Variants in PCDHGA1 observed in about 807,000 individuals in gnomAD.
The protein encoded by PCDHGA1 is protocadherin gamma-A1.
A neutral mutation model predicts 58.0 loss-of-function variants in PCDHGA1; 32 were observed. The observed-to-expected ratio is 0.55, with a 90% confidence interval of 0.42 to 0.74. The LOEUF is 0.74. PCDHGA1 is among the 30% of genes least tolerant of loss of function. The pLI is 0.00. For missense variants in PCDHGA1, 1,205 were observed against 1,182.3 expected, an observed-to-expected ratio of 1.02 and a Z score of -0.28; for synonymous variants, 498 against 501.1, an observed-to-expected ratio of 0.99 and a Z score of 0.08.
chr5:141,349,390 A>C (rs893933171), intron 1 of PCDHGA1, among the ~76,000 whole-genome samples: 2 of 152,168 alleles, frequency 1.3e-5, no homozygotes, highest in Non-Finnish European at 2.9e-5. Context: ...CATTCATATA[A>C]AAAAGAAGCA....
At chr5:141,420,314 A>C (rs1454977890) in intron 1 of PCDHGA1, 1 of 1,442,690 alleles carries the variant, frequency 6.9e-7, no homozygotes. Flanking sequence ...TTTATATTAC[A>C]ATATGCCAAT....
chr5:141,410,104 C>G, intron 1 of PCDHGA1: 1 of 1,612,582 alleles, frequency 6.2e-7, no homozygotes, highest in Non-Finnish European at 8.5e-7. Context: ...CCTTAGGCGA[C>G]AGGGACGCAG....
At chr5:141,484,921 T>A in intron 1 of PCDHGA1, 1 of 478,304 alleles carries the variant, frequency 2.1e-6, no homozygotes, top group South Asian at 2.8e-5. Flanking sequence ...TTAACCCTGC[T>A]GCTGTTGGGA....
chr5:141,423,210 C>A (rs954945082), intron 1 of PCDHGA1: 2 of 1,613,578 alleles, frequency 1.2e-6, no homozygotes, highest in East Asian at 4.5e-5. Flanking sequence ...CCGTCACGCT[C>A]ACCGTGGCTG....
chr5:141,366,824 C>T, intron 1 of PCDHGA1: 1 of 1,535,428 alleles, frequency 6.5e-7, no homozygotes, highest in Non-Finnish European at 8.8e-7. Context: ...CTGTCATATT[C>T]AGAATCAGCT....
intron 1 of PCDHGA1, among the ~76,000 whole-genome samples, chr5:141,445,007 G>A (rs771023003): frequency 1.5e-4 from 23 of 151,994 alleles, no homozygotes; most frequent in Non-Finnish European, 2.4e-4. Flanking sequence ...ATTTAATTAG[G>A]TCTTTAATTT....
intron 1 of PCDHGA1, chr5:141,415,172 T>G (rs770772038): frequency 1.2e-6 from 2 of 1,613,882 alleles, no homozygotes; most frequent in Non-Finnish European, 1.7e-6. Context: ...ACGCTCACCG[T>G]GGCCGTGGCC....
At chr5:141,355,332 G>A (rs557704371) in intron 1 of PCDHGA1, 1 of 1,614,032 alleles carries the variant, frequency 6.2e-7, no homozygotes, top group South Asian at 1.1e-5. Flanking sequence ...AAGGCTCAGT[G>A]GTGGGCAACA....
chr5:141,389,805 C>G (rs1222548961), intron 1 of PCDHGA1: 1 of 1,613,802 alleles, frequency 6.2e-7, no homozygotes, highest in East Asian at 2.2e-5. Flanking sequence ...CCAGCGCCTT[C>G]TGGTCGCCGT....
Position 141,332,648 on chromosome 5 carries a change from C to T in PCDHGA1, c.1964C>T (p.Ser655Phe). 1 of 1,613,174 alleles carries T rather than the reference C, an allele frequency of 6.2e-7. No individual in the cohort carries two copies. ...CAGGACCACGGCCAGCCCCCGCTCT[C>T]CGCCACTGTCACGCTCACCGTGGCC... ...AVQDHGQPPL[S>F]ATVTLTVAVA... The change falls in exon 1 of 4, where the codon TCC becomes TTC. Residue 655 changes from serine to phenylalanine, a missense_variant. Ser to Phe is a radical substitution (Grantham distance 155, BLOSUM62 -2). Coordinates refer to ENST00000517417, the MANE Select transcript of PCDHGA1 (RefSeq NM_018912.3). This position sits in a 1 kb window ranked among gnomAD's most constrained non-coding sequence, Gnocchi z 4.6.
chr5:141,510,359 T>A (rs1229932307), intron 3 of PCDHGA1, among the ~76,000 whole-genome samples: 3 of 143,318 alleles, frequency 2.1e-5, no homozygotes, highest in African/African-American at 7.7e-5. Flanking sequence ...CTAACGGAAC[T>A]ACCGAATCTC....
intron 1 of PCDHGA1, chr5:141,423,620 C>T: frequency 6.2e-7 from 1 of 1,608,268 alleles, no homozygotes; most frequent in Middle Eastern, 1.7e-4. Context: ...GCTGAAGACT[C>T]AGCTATCATT....
rs115035052 is a variant in PCDHGA1 at position 141,382,317 on chromosome 5, G to A, written c.2421+49212G>A. ...TTAATTAAAATTTATATACACTGAT[G>A]TAAATATTTTCTAAGTAAAATCTTT... On this transcript the variant is annotated intron_variant, in intron 1 of 3. Coordinates refer to ENST00000517417, the MANE Select transcript of PCDHGA1 (RefSeq NM_018912.3). Among the ~76,000 whole-genome samples the A allele has an allele frequency of 4.6e-3, 694 of 152,278 alleles. 4 individuals are homozygous for A. The highest frequency in any genetic ancestry group is 0.015 in the African/African-American group (631 of 41,554).
chr5:141,442,720 T>C (rs941034636), intron 1 of PCDHGA1, among the ~76,000 whole-genome samples: 1 of 152,202 alleles, frequency 6.6e-6, no homozygotes, highest in Non-Finnish European at 1.5e-5. Flanking sequence ...GCCAGAGCAT[T>C]TGGGGCCTGT....
intron 1 of PCDHGA1, chr5:141,415,740 G>GTTTTGTTTTT (rs2095911163): frequency 1.9e-6 from 1 of 515,998 alleles, no homozygotes; most frequent in African/African-American, 2.8e-5. Context: ...GTTTATTAAG[G>GTTTTGTTTTT]TTTTTTTTTT....
intron 1 of PCDHGA1, among the ~76,000 whole-genome samples, chr5:141,444,933 G>A (rs1004890599): frequency 3.3e-5 from 5 of 152,152 alleles, no homozygotes; most frequent in African/African-American, 1.2e-4. Context: ...AAAGAGGGAA[G>A]GAGGGAGGAG....
rs758132181 is a variant in PCDHGA1, at chr5:141,486,827, C to T, written c.2422-7980C>T. On this transcript the variant is annotated intron_variant, in intron 1 of 3. Coordinates refer to ENST00000517417, the MANE Select transcript of PCDHGA1 (RefSeq NM_018912.3). This position sits in a 1 kb window ranked among gnomAD's most constrained non-coding sequence, Gnocchi z 5.0. The stretch of plus-strand genomic sequence containing the variant: ...ACCCCTTAGCAGCACTGTAACAGTT[C>T]GTCTATTTGTGCTGGACCTCAATGA... 10 of 1,614,110 alleles carry T rather than the reference C, an allele frequency of 6.2e-6. No individual in the cohort carries two copies. The African/African-American group carries it at 8.0e-5, about 13-fold the overall frequency.
chr5:141,498,814 T>G (rs2099785952), intron 2 of PCDHGA1, among the ~76,000 whole-genome samples: 1 of 151,956 alleles, frequency 6.6e-6, no homozygotes. Flanking sequence ...ACACCTGTAG[T>G]CCCAGCTACT....
chr5:141,404,610 T>C lies in PCDHGA1; in HGVS notation c.2421+71505T>C, dbSNP rs1207198913. ...AATGTGTCATTGAGACTGTTTGTTTTGGACCAGAATGACAATGCCCCAGAA... is the reference window on the plus strand; with the variant it reads ...AATGTGTCATTGAGACTGTTTGTTTCGGACCAGAATGACAATGCCCCAGAA... On this transcript the variant is annotated intron_variant, in intron 1 of 3. Transcript: ENST00000517417. 1 of 1,614,130 alleles carries C rather than the reference T, an allele frequency of 6.2e-7. No homozygotes were observed. Among genetic ancestry groups the C allele is most frequent in the African/African-American group, 1.3e-5 (1 of 75,054 alleles).
Sources: gnomAD v4.1 joint callset for allele counts (sites outside exome capture counted in the v4.1 genomes callset) on GRCh38, gnomAD v4.1.1 for gene constraint, Gnocchi (gnomAD v3.1) non-coding constraint, MANE v1.5 for transcripts, NCBI Gene and HGNC (gene_info 2026-07-23, HGNC 2026-07-21) for gene names.